The following SCGB2B2 variants were observed in gnomAD, a reference collection of about 807,000 sequenced individuals.
SCGB2B2 encodes secretoglobin family 2B member 2, also known as secretoglobin-like protein.
In SCGB2B2, 11 loss-of-function variants were observed where a neutral mutation model predicts 7.6. The observed-to-expected ratio is 1.45, with a 90% CI of 0.91 to 2.40. The LOEUF is 2.40. SCGB2B2 is among the 30% of genes most tolerant of loss of function. The pLI, the probability that SCGB2B2 is intolerant of heterozygous loss-of-function variation, is 0.00. For missense variants in SCGB2B2, 104 were observed against 115.4 expected, an observed-to-expected ratio of 0.90 and a Z score of 0.45; for synonymous variants, 50 against 48.6, an observed-to-expected ratio of 1.03 and a Z score of -0.12.
chr19:34,606,899 A>AT (rs1377923827), intron 1 of SCGB2B2, among the ~76,000 whole-genome samples: 3 of 151,994 alleles, frequency 2.0e-5, no homozygotes, highest in Non-Finnish European at 4.4e-5. Context: ...TGTGGAATGT[A>AT]TCCCCTGCAG....
At chr19:34,601,061 A>G (rs1050013540) in intron 1 of SCGB2B2, among the ~76,000 whole-genome samples, 2 of 152,084 alleles carry the variant, frequency 1.3e-5, no homozygotes, top group Non-Finnish European at 2.9e-5. Context: ...CATGGAATGG[A>G]CTTTGTGTAA....
chr19:34,630,036 G>A (rs2145941748), intron 1 of SCGB2B2, among the ~76,000 whole-genome samples: 1 of 151,994 alleles, frequency 6.6e-6, no homozygotes, highest in Non-Finnish European at 1.5e-5. Flanking sequence ...TTAATAAATG[G>A]TACTGGGAAA....
At chr19:34,671,370 T>G (rs1015135211) in intron 1 of SCGB2B2, among the ~76,000 whole-genome samples, 2 of 152,260 alleles carry the variant, frequency 1.3e-5, no homozygotes, top group Non-Finnish European at 2.9e-5. Flanking sequence ...TGCTAACATT[T>G]TAAAGTCTTA....
chr19:34,636,364 A>T (rs2066679448), intron 1 of SCGB2B2, among the ~76,000 whole-genome samples: 1 of 152,072 alleles, frequency 6.6e-6, no homozygotes, highest in Non-Finnish European at 1.5e-5. Context: ...TCTAGGGAGG[A>T]GCAAGGGCAC....
Position 34,591,697 on chromosome 19 carries a change from T to C in SCGB2B2, c.*1858A>G, listed in dbSNP as rs2065301394. 6.6e-6 allele frequency among the ~76,000 whole-genome samples: 1 copy of C among 152,196 alleles called. No homozygotes were observed. The highest frequency in any genetic ancestry group is 2.4e-5 in the African/African-American group (1 of 41,456). On this transcript the variant is annotated 3_prime_UTR_variant, in exon 4 of 4. Transcript: ENST00000601241. ...GCCATTTCTCCAACACAACAAATCC[T>C]TTCTCATCATGCCGCATTCCCTGCC...
chr19:34,638,904 A>G (rs1433887489), intron 1 of SCGB2B2, among the ~76,000 whole-genome samples: 1 of 152,186 alleles, frequency 6.6e-6, no homozygotes, highest in Non-Finnish European at 1.5e-5. Flanking sequence ...CCCAAATTGC[A>G]GTAAAACTTC....
At chr19:34,647,747 A>T (rs897244401) in intron 1 of SCGB2B2, among the ~76,000 whole-genome samples, 1 of 152,180 alleles carries the variant, frequency 6.6e-6, no homozygotes, top group Non-Finnish European at 1.5e-5. Context: ...TCCAAGGTGA[A>T]GAGGGGGTTG....
Position 34,594,548 on chromosome 19 carries a change from C to T in SCGB2B2, c.16G>A (p.Ala6Thr), listed in dbSNP as rs770293547. 8.1e-6 allele frequency: 13 copies of T among 1,612,724 alleles called. No individual in the cohort carries two copies. Among genetic ancestry groups the T allele is most frequent in the African/African-American group, 1.3e-5 (1 of 74,852 alleles). The change falls in exon 2 of 4, where the codon GCC becomes ACC. Residue 6 changes from alanine to threonine, a missense_variant. Coordinates refer to ENST00000601241, the MANE Select transcript of SCGB2B2 (RefSeq NM_001025591.4). The part of the protein sequence containing the change: MRVTS[A>T]TCALLLALIC... ...AGAGCCAGCAGAAGAGCACAGGTGG[C>T]GGATGTCACCCTCATGACAGCGGAG...
rs557453552 is a variant in SCGB2B2, at chr19:34,590,746, G to C, written c.*2809C>G. On this transcript the variant is annotated 3_prime_UTR_variant, in exon 4 of 4. Transcript: ENST00000601241. Reference sequence around the variant, plus strand: ...CAGAGTCGTAAGCATTTTAGTTAAAGTAAACTCACAGGACATTGTCATTTT... The same window carrying C: ...CAGAGTCGTAAGCATTTTAGTTAAACTAAACTCACAGGACATTGTCATTTT... 1.7e-4 allele frequency among the ~76,000 whole-genome samples: 15 copies of C among 89,800 alleles called. No individual in the cohort carries two copies. The East Asian group carries it at 0.015, about 89-fold the overall frequency. The allele number at this position is 89,800 out of a possible 152,430, so 58.9% of individuals were successfully genotyped here. A position where few individuals can be genotyped will look rare whatever the true frequency, so the allele number is the denominator to read the frequency against.
chr19:34,611,405 T>C lies in SCGB2B2; in HGVS notation c.-2031-14811A>G, dbSNP rs550642647. 1.7e-3 allele frequency among the ~76,000 whole-genome samples: 254 copies of C among 148,110 alleles called. 1 individual carries two copies. The highest frequency in any genetic ancestry group is 5.7e-3 in the African/African-American group (234 of 41,212). ...TCTTCTAGTTCCTTGAAATTCATTG[T>C]TAAGTTTTACTTGAAATCTTTCTGT... On this transcript the variant is annotated intron_variant, in intron 1 of 3. Coordinates refer to ENST00000601241, the MANE Select transcript of SCGB2B2 (RefSeq NM_001025591.4).
At chr19:34,669,775 C>T (rs903541201) in intron 1 of SCGB2B2, among the ~76,000 whole-genome samples, 4 of 140,648 alleles carry the variant, frequency 2.8e-5, no homozygotes, top group Non-Finnish European at 6.3e-5. Flanking sequence ...TAATTTATGG[C>T]AGTGACTGAG....
chr19:34,654,969 A>C (rs1432942136), intron 1 of SCGB2B2, among the ~76,000 whole-genome samples: 1 of 151,258 alleles, frequency 6.6e-6, no homozygotes, highest in Non-Finnish European at 1.5e-5. Flanking sequence ...ACACCACTCC[A>C]ATCTTATGTA....
chr19:34,650,359 C>T (rs553858198), intron 1 of SCGB2B2, among the ~76,000 whole-genome samples: 1 of 151,462 alleles, frequency 6.6e-6, no homozygotes, highest in Non-Finnish European at 1.5e-5. Context: ...GAGCCTGACT[C>T]ATACCAGTAT....
chr19:34,677,013 G>C lies in SCGB2B2; in HGVS notation c.-3415C>G, dbSNP rs905739287. 3.3e-5 allele frequency: 5 copies of C among 152,088 alleles called. No individual in the cohort carries two copies. Among genetic ancestry groups the C allele is most frequent in the African/African-American group, 1.2e-4 (5 of 41,414 alleles). The allele number at this position is 152,088 out of a possible 1,614,324, so 9.4% of individuals were successfully genotyped here. A position where few individuals can be genotyped will look rare whatever the true frequency, so the allele number is the denominator to read the frequency against. On this transcript the variant is annotated 5_prime_UTR_variant, in exon 1 of 4. Transcript: ENST00000601241. ...AGTTCAGTATTTCCAAGTCCTTCCA[G>C]GGGCGTAACGCACGTCAGAACGGCC...
chr19:34,660,093 C>A (rs372693392), intron 1 of SCGB2B2, among the ~76,000 whole-genome samples: 1 of 151,388 alleles, frequency 6.6e-6, no homozygotes, highest in East Asian at 2.0e-4. Flanking sequence ...GTAGAAAGCT[C>A]AAACTGGATC....
chr19:34,602,702 T>C (rs919029406), intron 1 of SCGB2B2, among the ~76,000 whole-genome samples: 2 of 152,196 alleles, frequency 1.3e-5, no homozygotes, highest in Non-Finnish European at 2.9e-5. Context: ...CCCGTGTGCT[T>C]GACCTTTCCT....
At chr19:34,636,507 C>T (rs1445825130) in intron 1 of SCGB2B2, among the ~76,000 whole-genome samples, 1 of 152,146 alleles carries the variant, frequency 6.6e-6, no homozygotes, top group African/African-American at 2.4e-5. Flanking sequence ...TCAGGAAAAC[C>T]AACTGCAACT....
At chr19:34,663,535 A>C (rs1361967137) in intron 1 of SCGB2B2, among the ~76,000 whole-genome samples, 2 of 152,226 alleles carry the variant, frequency 1.3e-5, no homozygotes, top group African/African-American at 4.8e-5. Context: ...AGGTAGCAAA[A>C]CCATCCACTA....
intron 1 of SCGB2B2, among the ~76,000 whole-genome samples, chr19:34,622,228 C>A (rs1334894102): frequency 2.6e-5 from 4 of 152,272 alleles, no homozygotes; most frequent in East Asian, 3.9e-4. Context: ...TTAAAACTCC[C>A]AGGGCCATTC....
Sources: gnomAD v4.1 joint callset for allele counts (sites outside exome capture counted in the v4.1 genomes callset) on GRCh38, gnomAD v4.1.1 for gene constraint, MANE v1.5 for transcripts, NCBI Gene and HGNC (gene_info 2026-07-23, HGNC 2026-07-21) for gene names.